The following KDM4C variants were observed in gnomAD, a reference collection of about 807,000 sequenced individuals.
KDM4C encodes lysine demethylase 4C.
KDM4C carries 81 observed loss-of-function variants against 129.3 expected under a neutral mutation model. The ratio of observed to expected loss-of-function variants is 0.63; its 90% CI spans 0.52 to 0.75. The LOEUF (loss-of-function observed/expected upper bound fraction) is 0.75. Among genes scored for constraint, KDM4C ranks in the 30% least tolerant of loss-of-function variants. The pLI, the probability that KDM4C is intolerant of heterozygous loss-of-function variation, is 0.00. For missense variants in KDM4C, 1,457 were observed against 1,304.0 expected (o/e 1.12, Z -1.81); for synonymous variants, 573 against 456.1 (o/e 1.26, Z -3.26).
chr9:6,862,807 AAAAC>A (rs367828705), intron 5 of KDM4C, among the ~76,000 whole-genome samples: 9,808 of 150,730 alleles, frequency 0.065, 444 homozygotes, highest in African/African-American at 0.13. Context: ...ACTTTGTCTC[AAAAC>A]AAACAAACAA....
intron 5 of KDM4C, among the ~76,000 whole-genome samples, chr9:6,856,414 AT>A (rs1432614616): frequency 6.6e-6 from 1 of 152,120 alleles, no homozygotes; most frequent in Non-Finnish European, 1.5e-5. Flanking sequence ...TTTGGTTTTA[AT>A]TGCTTTTTCT....
intron 19 of KDM4C, among the ~76,000 whole-genome samples, chr9:7,156,440 C>T (rs1843178817): frequency 6.6e-6 from 1 of 152,152 alleles, no homozygotes; most frequent in African/African-American, 2.4e-5. Context: ...TGCCTGTGTC[C>T]TGAATGGTAT....
intron 1 of KDM4C, among the ~76,000 whole-genome samples, chr9:6,750,483 G>A (rs1818032973): frequency 1.3e-5 from 2 of 151,236 alleles, no homozygotes; most frequent in Admixed American, 6.6e-5. Flanking sequence ...CACTTGAAGC[G>A]AAAGTGAAGC....
intron 17 of KDM4C, among the ~76,000 whole-genome samples, chr9:7,096,569 A>G (rs1470422203): frequency 1.3e-5 from 2 of 152,222 alleles, no homozygotes; most frequent in African/African-American, 2.4e-5. Context: ...ACAGACAACT[A>G]TGAAATACTA....
At position 7,161,355 on chromosome 9, in the gene KDM4C, C is replaced by T. The variant is rs1409198452; in HGVS notation, c.2782-3883C>T. 3.3e-5 allele frequency among the ~76,000 whole-genome samples: 5 copies of T among 152,274 alleles called. No individual in the cohort carries two copies. The East Asian group carries it at 9.7e-4, about 29-fold the overall frequency. On this transcript the variant is annotated intron_variant, in intron 19 of 21. Transcript: ENST00000381309. ...GCTGCACCCACTGTCCAACCAGTCCCAATGAGATGAACCAGGTATCTCAGT... is the reference window on the plus strand; with the variant it reads ...GCTGCACCCACTGTCCAACCAGTCCTAATGAGATGAACCAGGTATCTCAGT...
chr9:6,748,739 T>C (rs548922668), intron 1 of KDM4C: 18 of 1,484,752 alleles, frequency 1.2e-5, no homozygotes, highest in Middle Eastern at 2.4e-4. Context: ...TAATATTATC[T>C]CCTTTTAGCA....
At chr9:6,768,552 T>C (rs1275452042) in intron 1 of KDM4C, among the ~76,000 whole-genome samples, 1 of 152,170 alleles carries the variant, frequency 6.6e-6, no homozygotes, top group African/African-American at 2.4e-5. Context: ...ATTACTATCA[T>C]CTAATTTTTA....
At chr9:6,746,568 C>T (rs930453336) in intron 1 of KDM4C, among the ~76,000 whole-genome samples, 2 of 151,306 alleles carry the variant, frequency 1.3e-5, no homozygotes, top group East Asian at 2.0e-4. Flanking sequence ...CGCGCCCGGC[C>T]CATTTTGTAT....
intron 4 of KDM4C, among the ~76,000 whole-genome samples, chr9:6,822,715 GAAACA>G (rs1447528840): frequency 6.6e-6 from 1 of 152,156 alleles, no homozygotes; most frequent in Non-Finnish European, 1.5e-5. Context: ...GTTTCTTCGG[GAAACA>G]AAACAAACAC....
At chr9:7,026,667 A>G (rs1428367373) in intron 15 of KDM4C, among the ~76,000 whole-genome samples, 1 of 151,988 alleles carries the variant, frequency 6.6e-6, no homozygotes, top group Non-Finnish European at 1.5e-5. Flanking sequence ...CTTCCTCTTG[A>G]CCAACTTTCT....
chr9:7,095,175 G>C (rs912212488), intron 17 of KDM4C, among the ~76,000 whole-genome samples: 2 of 152,174 alleles, frequency 1.3e-5, no homozygotes, highest in Non-Finnish European at 2.9e-5. Flanking sequence ...TTGCACATCC[G>C]TGAATCAGAG....
intron 17 of KDM4C, chr9:7,076,473 C>T: frequency 6.4e-7 from 1 of 1,550,638 alleles, no homozygotes; most frequent in South Asian, 1.2e-5. Context: ...GTAACAACAA[C>T]AACAATAACA....
In KDM4C at chr9:6,850,244, A is replaced by G. The variant is rs568864816; in HGVS notation, c.629+544A>G. Among the ~76,000 whole-genome samples the G allele has an allele frequency of 3.9e-5, 6 of 152,214 alleles. No individual in the cohort carries two copies. The South Asian group carries it at 1.2e-3, about 31-fold the overall frequency. On this transcript the variant is annotated intron_variant, in intron 5 of 21. Coordinates refer to ENST00000381309, the MANE Select transcript of KDM4C (RefSeq NM_015061.6). Reference sequence around the variant, plus strand: ...CTGTTATTAAGTGATGCATGACTGTATATGTAAAGTTGCCTGTAGTCCATT... The same window carrying G: ...CTGTTATTAAGTGATGCATGACTGTGTATGTAAAGTTGCCTGTAGTCCATT...
chr9:6,990,548 A>ATTTT (rs35634202), intron 12 of KDM4C, 24 bp downstream of exon 12: 22 of 1,178,848 alleles, frequency 1.9e-5, no homozygotes, highest in South Asian at 8.8e-5. Context: ...CCTTTTTGGG[A>ATTTT]TTTTTTTTTT....
At chr9:7,030,434 A>G (rs994287057) in intron 15 of KDM4C, among the ~76,000 whole-genome samples, 1 of 152,176 alleles carries the variant, frequency 6.6e-6, no homozygotes, top group African/African-American at 2.4e-5. Flanking sequence ...GTACAACACC[A>G]AGAGTGAATC....
At chr9:6,930,350 T>C (rs1293527020) in intron 8 of KDM4C, among the ~76,000 whole-genome samples, 4 of 152,160 alleles carry the variant, frequency 2.6e-5, no homozygotes, top group Non-Finnish European at 5.9e-5. Context: ...TAGAATCTTT[T>C]TATAGAACTC....
At chr9:6,811,647 G>A (rs983040335) in intron 3 of KDM4C, among the ~76,000 whole-genome samples, 3 of 152,184 alleles carry the variant, frequency 2.0e-5, no homozygotes, top group Admixed American at 6.5e-5. Flanking sequence ...TAGGCACAGA[G>A]CCAAGTGCTT....
chr9:6,924,158 A>G (rs1340609312), intron 8 of KDM4C, among the ~76,000 whole-genome samples: 2 of 152,162 alleles, frequency 1.3e-5, no homozygotes, highest in East Asian at 3.8e-4. Context: ...TTATATTTTA[A>G]TACAGAATAA....
rs1817821556 is a variant in KDM4C at position 6,986,921 on chromosome 9, A to C, written c.1677+255A>C. The C allele has an allele frequency of 1.2e-5, 5 of 414,636 alleles. 1 individual carries two copies. The South Asian group carries it at 1.6e-4, about 14-fold the overall frequency. 25.7% of individuals were successfully genotyped at this position (414,636 alleles called of 1,614,324 possible). On this transcript the variant is annotated intron_variant, in intron 11 of 21. Transcript: ENST00000381309. ...TTTTCTTTTTTTTGTTAAAAAATTA[A>C]ACTCTTTACTTTGAGGTAATTGTAG... is the stretch of plus-strand genomic sequence containing the variant.
Sources: allele counts gnomAD v4.1 joint callset (sites outside exome capture counted in the v4.1 genomes callset), GRCh38; gene constraint gnomAD v4.1.1; transcripts MANE v1.5; gene names NCBI Gene and HGNC (gene_info 2026-07-23, HGNC 2026-07-21).